RELN: variants seen among roughly 807,000 people sequenced by gnomAD.
RELN encodes the protein reelin.
In RELN, 108 loss-of-function variants were observed where a neutral mutation model predicts 427.6. The observed-to-expected ratio is 0.25, with a 90% CI of 0.22 to 0.30. RELN has a LOEUF of 0.30. Ranked by LOEUF, RELN falls within the 10% of genes least tolerant of loss-of-function variation. RELN has a pLI of 1.00. For synonymous variants in RELN, 1,524 were observed against 1,513.4 expected, an observed-to-expected ratio of 1.01 and a Z score of -0.16; for missense variants, 3,715 against 4,302.8, an observed-to-expected ratio of 0.86 and a Z score of 3.82.
intron 8 of RELN, among the ~76,000 whole-genome samples, chr7:103,719,809 T>C (rs1790031035): frequency 6.6e-6 from 1 of 152,174 alleles, no homozygotes; most frequent in Non-Finnish European, 1.5e-5. Context: ...GTCTAATGAA[T>C]CAAGTGAGGA....
chr7:103,494,051 C>A (rs1244238582), intron 57 of RELN, among the ~76,000 whole-genome samples: 1 of 152,034 alleles, frequency 6.6e-6, no homozygotes, highest in Non-Finnish European at 1.5e-5. Flanking sequence ...ATCTGGGCCA[C>A]AATGTGAACC....
rs1400003171 is a variant in RELN, at chr7:103,989,405, A to C, written c.-49T>G. 1.4e-6 allele frequency: 2 copies of C among 1,381,402 alleles called. No homozygotes were observed. The highest frequency in any genetic ancestry group is 1.9e-6 in the Non-Finnish European group (2 of 1,077,980). The allele number at this position is 1,381,402 out of a possible 1,614,324, so 85.6% of individuals were successfully genotyped here. On this transcript the variant is annotated 5_prime_UTR_variant, in exon 1 of 65. The change abolishes an upstream ATG in the 5' untranslated region. Transcript: ENST00000428762. This position sits in a 1 kb window ranked among gnomAD's most constrained non-coding sequence, Gnocchi z 4.9. ...CGCGCGCCCTACGCGCCGCTCGCTC[A>C]TTCAGTTTTGGAGACGCCGGGACGG...
At chr7:103,710,433 C>T (rs573609165) in intron 8 of RELN, among the ~76,000 whole-genome samples, 3 of 152,318 alleles carry the variant, frequency 2.0e-5, no homozygotes, top group Middle Eastern at 3.4e-3. Flanking sequence ...CTTCCAGGAA[C>T]TCCTACACCC....
At chr7:103,701,460 T>C (rs901464376) in intron 8 of RELN, among the ~76,000 whole-genome samples, 2 of 152,114 alleles carry the variant, frequency 1.3e-5, no homozygotes, top group Non-Finnish European at 2.9e-5. Context: ...AGACAGTACA[T>C]GAGAAACTAA....
At chr7:103,778,503 A>G (rs1190244184) in intron 3 of RELN, among the ~76,000 whole-genome samples, 1 of 152,180 alleles carries the variant, frequency 6.6e-6, no homozygotes, top group African/African-American at 2.4e-5. Context: ...CCTACTTGTC[A>G]TTGTGCCAGC....
intron 31 of RELN, among the ~76,000 whole-genome samples, chr7:103,571,226 A>G (rs377216223): frequency 7.9e-5 from 12 of 152,342 alleles, no homozygotes; most frequent in African/African-American, 2.9e-4. Flanking sequence ...TAACAAACTT[A>G]GAAGGTGCAA....
intron 2 of RELN, among the ~76,000 whole-genome samples, chr7:103,855,535 T>C (rs760775242): frequency 1.3e-5 from 2 of 152,230 alleles, no homozygotes; most frequent in Non-Finnish European, 2.9e-5. Flanking sequence ...GATTCTATTA[T>C]TAAGAAGAGA....
At chr7:103,504,770 C>T (rs371973983) in intron 51 of RELN, among the ~76,000 whole-genome samples, 47 of 152,282 alleles carry the variant, frequency 3.1e-4, no homozygotes, top group African/African-American at 1.1e-3. Flanking sequence ...ACATTCCCTT[C>T]GGTGCCTGGC....
At chr7:103,586,471 G>A (rs1234375743) in intron 28 of RELN, among the ~76,000 whole-genome samples, 1 of 152,026 alleles carries the variant, frequency 6.6e-6, no homozygotes, top group Admixed American at 6.6e-5. Flanking sequence ...CCAAGAACTG[G>A]GACAATACAA....
intron 50 of RELN, chr7:103,514,107 A>G (rs1185122213): frequency 2.0e-5 from 3 of 152,146 alleles, no homozygotes; most frequent in Non-Finnish European, 4.4e-5. Context: ...TTTCCATGCA[A>G]GTTGCTAGGG....
At chr7:103,692,339 T>C (rs1833889384) in intron 10 of RELN, among the ~76,000 whole-genome samples, 1 of 152,126 alleles carries the variant, frequency 6.6e-6, no homozygotes, top group African/African-American at 2.4e-5. Context: ...TGGGAGGATT[T>C]CCAGAGAATC....
At chr7:103,775,652 C>A (rs915807313) in intron 4 of RELN, among the ~76,000 whole-genome samples, 4 of 152,066 alleles carry the variant, frequency 2.6e-5, no homozygotes, top group East Asian at 3.8e-4. Flanking sequence ...ACTATACTTA[C>A]AATAAACAAT....
chr7:103,783,148 T>A (rs1791934143), intron 3 of RELN, among the ~76,000 whole-genome samples: 1 of 141,452 alleles, frequency 7.1e-6, no homozygotes, highest in African/African-American at 2.6e-5. Flanking sequence ...TACAGTACTT[T>A]CTTTTCTCTT....
At chr7:103,602,535 C>T (rs1286352694) in intron 24 of RELN, among the ~76,000 whole-genome samples, 1 of 152,110 alleles carries the variant, frequency 6.6e-6, no homozygotes, top group Non-Finnish European at 1.5e-5. Flanking sequence ...TTTGCAGGGA[C>T]ATGGATGAAG....
chr7:103,931,958 C>T (rs1387802481), intron 1 of RELN, among the ~76,000 whole-genome samples: 1 of 152,148 alleles, frequency 6.6e-6, no homozygotes, highest in African/African-American at 2.4e-5. Flanking sequence ...TTAGTTCAAC[C>T]ATTGTAGAAA....
intron 2 of RELN, among the ~76,000 whole-genome samples, chr7:103,880,259 G>C (rs976357343): frequency 6.6e-6 from 1 of 151,942 alleles, no homozygotes; most frequent in African/African-American, 2.4e-5. Flanking sequence ...TTTATTAGTA[G>C]CTTTCATTTA....
At chr7:103,486,756 A>G (rs760514582) in intron 60 of RELN, among the ~76,000 whole-genome samples, 3 of 152,244 alleles carry the variant, frequency 2.0e-5, no homozygotes, top group Non-Finnish European at 4.4e-5. Flanking sequence ...TCAGGAAACA[A>G]CAGATGCTGG....
chr7:103,966,197 A>G (rs2116804547), intron 1 of RELN, among the ~76,000 whole-genome samples: 1 of 152,354 alleles, frequency 6.6e-6, no homozygotes, highest in East Asian at 1.9e-4. Context: ...AAAGATTAAT[A>G]AAAACAAGTG....
intron 26 of RELN, 26 bp downstream of exon 26, chr7:103,594,295 C>A (rs1831487623): frequency 6.3e-7 from 1 of 1,598,360 alleles, no homozygotes; most frequent in African/African-American, 1.3e-5. Context: ...TATCTGTCTT[C>A]TTGGAGTTCA....
Sources: gnomAD v4.1 joint callset for allele counts (sites outside exome capture counted in the v4.1 genomes callset) on GRCh38, gnomAD v4.1.1 for gene constraint, Gnocchi (gnomAD v3.1) non-coding constraint, MANE v1.5 for transcripts, NCBI Gene and HGNC (gene_info 2026-07-23, HGNC 2026-07-21) for gene names.